ACADL: variants seen among roughly 807,000 people sequenced by gnomAD.
ACADL encodes acyl-CoA dehydrogenase long chain, also known as long-chain specific acyl-CoA dehydrogenase, mitochondrial.
A neutral mutation model predicts 56.9 loss-of-function variants in ACADL; 60 were observed. The observed-to-expected ratio is 1.05, with a 90% CI of 0.86 to 1.31. The LOEUF (loss-of-function observed/expected upper bound fraction) is 1.31. Among genes scored for constraint, ACADL ranks in the 50% most tolerant of loss-of-function variants. The pLI is 0.00. For missense variants in ACADL, 484 were observed against 525.5 expected (o/e 0.92, Z 0.77); for synonymous variants, 158 against 179.7 (o/e 0.88, Z 0.97).
At chr2:210,200,830 G>A (rs1182052400) in intron 8 of ACADL, among the ~76,000 whole-genome samples, 1 of 152,152 alleles carries the variant, frequency 6.6e-6, no homozygotes, top group East Asian at 1.9e-4. Context: ...CTCCCATATT[G>A]AAACAAAATG....
In ACADL at chr2:210,225,204, G is replaced by A. The variant is rs187237868; in HGVS notation, c.60C>T (p.Arg20=). The A allele has an allele frequency of 2.5e-4, 387 of 1,539,162 alleles. 4 individuals carry two copies. In the East Asian group the frequency reaches 8.3e-3, roughly 33 times the overall value. Residue 20 remains arginine, a synonymous_variant, in exon 1 of 11, where the codon CGC becomes CGT. Transcript: ENST00000233710. ...GCACTCACCGCGCGGCGGGCAGCTG[G>A]CGCGGCGCACGGTGGCCGCCCAGGA... The part of the protein sequence containing the change: ...LRVLGGHRAP[R]QLPAARCSHS...
At chr2:210,199,347 T>G (rs979560997) in intron 8 of ACADL, among the ~76,000 whole-genome samples, 3 of 152,124 alleles carry the variant, frequency 2.0e-5, no homozygotes, top group African/African-American at 7.2e-5. Context: ...ATGTGACCTG[T>G]GGAAGTAGAA....
intron 1 of ACADL, 70 bp from the exon 2 acceptor site, chr2:210,220,872 T>C: frequency 8.4e-7 from 1 of 1,187,542 alleles, no homozygotes; most frequent in Non-Finnish European, 1.2e-6. Flanking sequence ...TTAGTGCCAC[T>C]GAACAACATG....
chr2:210,223,846 CTG>C (rs1689218354), intron 1 of ACADL, among the ~76,000 whole-genome samples: 1 of 152,118 alleles, frequency 6.6e-6, no homozygotes, highest in African/African-American at 2.4e-5. Context: ...AACTAAATAT[CTG>C]TAAAGTTTCT....
chr2:210,192,777 A>T (rs374258675), intron 10 of ACADL, 27 bp downstream of exon 10: 23 of 1,541,236 alleles, frequency 1.5e-5, no homozygotes, highest in Non-Finnish European at 2.1e-5. Flanking sequence ...CATCATAAAG[A>T]AGAGTGTATC....
At chr2:210,212,996 C>T (rs898397721) in intron 4 of ACADL, among the ~76,000 whole-genome samples, 1 of 152,144 alleles carries the variant, frequency 6.6e-6, no homozygotes, top group Non-Finnish European at 1.5e-5. Context: ...ACTGTTTGCG[C>T]AAACAATTTG....
intron 4 of ACADL, 75 bp downstream of exon 4, chr2:210,216,272 A>G: frequency 6.6e-7 from 1 of 1,507,408 alleles, no homozygotes. Flanking sequence ...AGCTCAGTCT[A>G]TGTATTAACC....
chr2:210,223,430 A>T (rs1416184738), intron 1 of ACADL, among the ~76,000 whole-genome samples: 1 of 152,176 alleles, frequency 6.6e-6, no homozygotes, highest in Non-Finnish European at 1.5e-5. Context: ...GCTGGTTATA[A>T]ATACACAATC....
rs548694330 is a variant in ACADL at position 210,198,196 on chromosome 2, C to A, written c.985-2858G>T. Among the ~76,000 whole-genome samples, 26 of 152,222 alleles carry A rather than the reference C, an allele frequency of 1.7e-4. No homozygotes were observed. The South Asian group carries it at 5.2e-3, about 30-fold the overall frequency. On this transcript the variant is annotated intron_variant, in intron 8 of 10. Transcript: ENST00000233710. Reference sequence around the variant, plus strand: ...TAAGTGGGCTGGATGGAGTCTTTTTCAGAGTTCTGAATGACAGAATTCTTA... The same window carrying A: ...TAAGTGGGCTGGATGGAGTCTTTTTAAGAGTTCTGAATGACAGAATTCTTA...
chr2:210,193,569 A>C (rs535957904), intron 9 of ACADL, among the ~76,000 whole-genome samples: 2 of 152,206 alleles, frequency 1.3e-5, no homozygotes, highest in Non-Finnish European at 2.9e-5. Flanking sequence ...TCACAATTCT[A>C]TCATTAAAAT....
chr2:210,206,884 C>T (rs979441294), intron 5 of ACADL, among the ~76,000 whole-genome samples: 1 of 152,020 alleles, frequency 6.6e-6, no homozygotes, highest in African/African-American at 2.4e-5. Context: ...CCTGGTAAGC[C>T]ACATTTCTTG....
At chr2:210,208,935 C>T (rs2125714012) in intron 5 of ACADL, among the ~76,000 whole-genome samples, 1 of 152,268 alleles carries the variant, frequency 6.6e-6, no homozygotes, top group South Asian at 2.1e-4. Flanking sequence ...TCCCACAAAA[C>T]CCTATGGCTG....
At chr2:210,197,744 C>T (rs1466478982) in intron 8 of ACADL, among the ~76,000 whole-genome samples, 1 of 152,168 alleles carries the variant, frequency 6.6e-6, no homozygotes, top group Non-Finnish European at 1.5e-5. Flanking sequence ...AAGCCTGATT[C>T]TCTCATACAA....
At chr2:210,195,087 T>C (rs1342439953) in intron 9 of ACADL, 124 bp downstream of exon 9, 5 of 1,243,260 alleles carry the variant, frequency 4.0e-6, no homozygotes, top group Non-Finnish European at 5.7e-6. Flanking sequence ...TAAAGTGGAG[T>C]CTCACTTTTA....
chr2:210,196,657 C>T (rs546439831), intron 8 of ACADL, among the ~76,000 whole-genome samples: 8 of 152,240 alleles, frequency 5.3e-5, no homozygotes, highest in African/African-American at 1.7e-4. Flanking sequence ...TTGGGTAGCT[C>T]CAAAAGTATA....
At position 210,188,841 on chromosome 2, in the gene ACADL, T is replaced by C; in HGVS notation, c.*120A>G. 1 of 749,122 alleles carries C rather than the reference T, an allele frequency of 1.3e-6. No individual in the cohort carries two copies. Among genetic ancestry groups the C allele is most frequent in the Non-Finnish European group, 2.4e-6 (1 of 415,132 alleles). The allele number at this position is 749,122 out of a possible 1,614,324, so 46.4% of individuals were successfully genotyped here. On this transcript the variant is annotated 3_prime_UTR_variant, in exon 11 of 11. Coordinates refer to ENST00000233710, the MANE Select transcript of ACADL (RefSeq NM_001608.4). ...CTTATATTTATATTTTATTTCCTTC[T>C]CTATAGAGAGAGCAGGTAAAAACAT... is the stretch of plus-strand genomic sequence containing the variant.
intron 3 of ACADL, 39 bp from the exon 4 acceptor site, chr2:210,216,550 A>C (rs997652136): frequency 6.3e-7 from 1 of 1,579,796 alleles, no homozygotes; most frequent in African/African-American, 1.3e-5. Context: ...AGCATAAAAT[A>C]GCAATAAAAA....
chr2:210,225,335 C>A lies in ACADL; in HGVS notation c.-72G>T. The A allele has an allele frequency of 6.8e-7, 1 of 1,478,956 alleles. No homozygotes were observed. Among genetic ancestry groups the A allele is most frequent in the South Asian group, 1.2e-5 (1 of 81,802 alleles). The allele number at this position is 1,478,956 out of a possible 1,614,324, so 91.6% of individuals were successfully genotyped here. On this transcript the variant is annotated 5_prime_UTR_variant, in exon 1 of 11. Transcript: ENST00000233710. ...ACTCGGCGACTCGGGGCAGGGTCCC[C>A]GGGAGGGAGGACGATCAGCTGAGGC...
At chr2:210,215,203 C>T (rs770108850) in intron 4 of ACADL, among the ~76,000 whole-genome samples, 12 of 152,146 alleles carry the variant, frequency 7.9e-5, no homozygotes, top group Non-Finnish European at 1.5e-4. Context: ...CCACTGCCCC[C>T]TCTCTACATT....
Sources: allele counts gnomAD v4.1 joint callset (sites outside exome capture counted in the v4.1 genomes callset), GRCh38; gene constraint gnomAD v4.1.1; transcripts MANE v1.5; gene names NCBI Gene and HGNC (gene_info 2026-07-23, HGNC 2026-07-21).